Variants in CCDC200 observed in about 807,000 individuals in gnomAD.
CCDC200 encodes coiled-coil domain containing 200, also known as coiled-coil domain-containing protein 200.
In CCDC200 at chr17:43,224,515, G is replaced by C. The variant is rs545449230; in HGVS notation, c.140C>G (p.Ser47Trp). 6.5e-6 allele frequency: 1 copy of C among 153,266 alleles called. No homozygotes were observed. Among genetic ancestry groups the C allele is most frequent in the Non-Finnish European group, 1.5e-5 (1 of 68,112 alleles). 9.5% of individuals were successfully genotyped at this position (153,266 alleles called of 1,614,324 possible). Residue 47 changes from serine to tryptophan, a missense_variant, in exon 2 of 4, where the codon TCG becomes TGG. Physicochemically the swap from Ser to Trp is radical, Grantham distance 177. Coordinates refer to ENST00000636331, the MANE Select transcript of CCDC200 (RefSeq NM_001363254.2). ...CTTATGTGGCTGGAGTTTTTCCTCC[G>C]ATTGTTGTTCTTCCTCCTGGTGATT... The part of the protein sequence containing the change: ...LKNHQEEEQQ[S>W]EEKLQPHKKL...
At chr17:43,222,773 G>C (rs1184902481) in intron 3 of CCDC200, among the ~76,000 whole-genome samples, 6 of 127,330 alleles carry the variant, frequency 4.7e-5, no homozygotes, top group African/African-American at 1.8e-4. Flanking sequence ...TTTTTTTTTC[G>C]TTTTTTTTTT....
intron 3 of CCDC200, among the ~76,000 whole-genome samples, chr17:43,221,911 A>C (rs1170717888): frequency 6.6e-6 from 1 of 151,986 alleles, no homozygotes; most frequent in Admixed American, 6.6e-5. Context: ...CCTGGCCAAC[A>C]TAGCAAAACC....
intron 1 of CCDC200, chr17:43,226,233 C>G (rs1191496299): frequency 6.6e-6 from 1 of 152,020 alleles, no homozygotes; most frequent in Non-Finnish European, 1.5e-5. Flanking sequence ...CCCAGCTACT[C>G]AGGAGGCTGA....
At chr17:43,225,191 G>A (rs2056468674) in intron 1 of CCDC200, among the ~76,000 whole-genome samples, 2 of 151,812 alleles carry the variant, frequency 1.3e-5, no homozygotes, top group South Asian at 2.1e-4. Context: ...GTGCCACCAT[G>A]CCTTGCTAAT....
rs1458893727 is a variant in CCDC200 at position 43,224,329 on chromosome 17, TGTG to T, written c.323_325del (p.Pro108del). The T allele has an allele frequency of 1.3e-5, 2 of 155,804 alleles. No homozygotes were observed. The highest frequency in any genetic ancestry group is 4.8e-5 in the African/African-American group (2 of 41,354). The allele number at this position is 155,804 out of a possible 1,614,324, so 9.7% of individuals were successfully genotyped here. The stretch of plus-strand genomic sequence containing the variant: ...TGTTGGCTGAGGTGGTGGCTGTGGT[TGTG>T]GTGGCTGTGGCCCTGGCCACACCTG... On this transcript the variant is annotated inframe_deletion, in exon 2 of 4. Coordinates refer to ENST00000636331, the MANE Select transcript of CCDC200 (RefSeq NM_001363254.2).
In CCDC200 at chr17:43,223,246, A is replaced by ATTTTTTTTTTTTT. The variant is rs1382906549; in HGVS notation, c.480+297_480+309dup. Among the ~76,000 whole-genome samples the ATTTTTTTTTTTTT allele has an allele frequency of 4.7e-5, 4 of 84,830 alleles. 2 individuals are homozygous for ATTTTTTTTTTTTT. Among genetic ancestry groups the ATTTTTTTTTTTTT allele is most frequent in the Non-Finnish European group, 9.1e-5 (4 of 44,024 alleles). The allele number at this position is 84,830 out of a possible 152,430, so 55.7% of individuals were successfully genotyped here. On this transcript the variant is annotated intron_variant, in intron 3 of 3. Transcript: ENST00000636331. ...TTTCAATTTTTTTCAATTTTTTTCA[A>ATTTTTTTTTTTTT]TTTTTTTTTTTTTTTGGAGATGTCT...
intron 1 of CCDC200, among the ~76,000 whole-genome samples, chr17:43,225,600 T>C: frequency 8.4e-6 from 1 of 119,726 alleles, no homozygotes; most frequent in Non-Finnish European, 1.8e-5. Flanking sequence ...GAGGCGGAGG[T>C]TGCAGTGAGC....
chr17:43,230,944 C>G (rs2057593677), upstream of CCDC200, among the ~76,000 whole-genome samples: 1 of 82,408 alleles, frequency 1.2e-5, no homozygotes, highest in African/African-American at 3.1e-5. Context: ...TGCGCCACTG[C>G]ACTCCAGCCT....
At chr17:43,227,127 C>T (rs191866540) in intron 1 of CCDC200, among the ~76,000 whole-genome samples, 53 of 151,872 alleles carry the variant, frequency 3.5e-4, no homozygotes, top group East Asian at 5.8e-4. Flanking sequence ...TACAGGTGCG[C>T]GCCACCACGC....
chr17:43,226,937 T>A (rs534568103), intron 1 of CCDC200, among the ~76,000 whole-genome samples: 1 of 152,168 alleles, frequency 6.6e-6, no homozygotes, highest in African/African-American at 2.4e-5. Context: ...TTAAAATTTT[T>A]CCAGTATGTA....
At chr17:43,225,973 C>T (rs2057567089) in intron 1 of CCDC200, among the ~76,000 whole-genome samples, 1 of 151,612 alleles carries the variant, frequency 6.6e-6, no homozygotes, top group African/African-American at 2.4e-5. Flanking sequence ...ACCTTGTGAT[C>T]CACCCGCCTC....
chr17:43,225,439 C>T (rs1243134898), intron 1 of CCDC200, among the ~76,000 whole-genome samples: 2 of 150,586 alleles, frequency 1.3e-5, no homozygotes, highest in Admixed American at 1.3e-4. Flanking sequence ...CCGAGGCGGG[C>T]GGATCACGAG....
At chr17:43,224,583 C>T (rs527812872) in intron 1 of CCDC200, 34 bp from the exon 2 acceptor site, 1 of 152,878 alleles carries the variant, frequency 6.5e-6, no homozygotes, top group East Asian at 1.9e-4. Flanking sequence ...TGGCATCATC[C>T]TCTCCCCACC....
chr17:43,226,223 C>T (rs1003177392), intron 1 of CCDC200: 17 of 152,160 alleles, frequency 1.1e-4, no homozygotes, highest in African/African-American at 3.6e-4. Flanking sequence ...TGCCTGTAGT[C>T]CCAGCTACTC....
chr17:43,227,519 CTG>C (rs1396735944), intron 1 of CCDC200, among the ~76,000 whole-genome samples: 4 of 151,928 alleles, frequency 2.6e-5, no homozygotes, highest in African/African-American at 9.7e-5. Context: ...GAGTCTCACT[CTG>C]TCACTCAGGT....
chr17:43,225,650 G>A (rs1598039958), intron 1 of CCDC200, among the ~76,000 whole-genome samples: 2 of 41,504 alleles, frequency 4.8e-5, no homozygotes, highest in African/African-American at 9.5e-5. Context: ...GCGACAGAAT[G>A]AGACTCCGTC....
At chr17:43,223,484 A>ACACACACACACACACACACACACACACAC (rs1406088311) in intron 3 of CCDC200, 72 bp downstream of exon 3, 1 of 141,844 alleles carries the variant, frequency 7.1e-6, no homozygotes, top group African/African-American at 2.6e-5. Context: ...ACACACTCAC[A>ACACACACACACACACACACACACACACAC]CTCTCTCTCT....
chr17:43,222,661 A>C (rs2057540898), intron 3 of CCDC200, among the ~76,000 whole-genome samples: 1 of 146,536 alleles, frequency 6.8e-6, no homozygotes, highest in Non-Finnish European at 1.5e-5. Flanking sequence ...TGTGATCACC[A>C]CTTACGGCAG....
intron 1 of CCDC200, among the ~76,000 whole-genome samples, chr17:43,226,796 G>C (rs1240602185): frequency 3.3e-5 from 5 of 152,070 alleles, no homozygotes; most frequent in Non-Finnish European, 5.9e-5. Flanking sequence ...TCAAAACCTA[G>C]CTTGAATTTG....
Sources: allele counts gnomAD v4.1 joint callset (sites outside exome capture counted in the v4.1 genomes callset), GRCh38; gene constraint gnomAD v4.1.1; transcripts MANE v1.5; gene names NCBI Gene and HGNC (gene_info 2026-07-23, HGNC 2026-07-21).